The following DOK6 variants were observed in gnomAD, a reference collection of about 807,000 sequenced individuals.
DOK6 encodes the protein docking protein 6, also known as downstream of tyrosine kinase 6.
In DOK6, 22 loss-of-function variants were observed where a neutral mutation model predicts 44.0. The ratio of observed to expected loss-of-function variants is 0.50; its 90% CI spans 0.36 to 0.71. The LOEUF is 0.71. Ranked by LOEUF, DOK6 falls within the 30% of genes least tolerant of loss-of-function variation. The pLI is 0.00. For synonymous variants in DOK6, 166 were observed against 145.5 expected (o/e 1.14, Z -1.01); for missense variants, 340 against 416.4 (o/e 0.82, Z 1.60).
intron 1 of DOK6, among the ~76,000 whole-genome samples, chr18:69,556,612 T>C (rs183511757): frequency 1.4e-3 from 217 of 152,338 alleles, no homozygotes; most frequent in African/African-American, 4.7e-3. Flanking sequence ...GTTGTTATTA[T>C]TTTATTCGTT....
chr18:69,767,336 GA>G (rs1034997629), intron 7 of DOK6, among the ~76,000 whole-genome samples: 3 of 151,866 alleles, frequency 2.0e-5, no homozygotes, highest in Admixed American at 2.0e-4. Context: ...TTAATACAAG[GA>G]AAAAAAATTC....
intron 1 of DOK6, among the ~76,000 whole-genome samples, chr18:69,561,345 T>G (rs1204261623): frequency 1.3e-5 from 2 of 152,222 alleles, no homozygotes; most frequent in African/African-American, 4.8e-5. Context: ...TTCCAAAATC[T>G]GTTACCACTT....
chr18:69,635,908 G>T (rs78431239), intron 3 of DOK6, among the ~76,000 whole-genome samples: 1,957 of 152,276 alleles, frequency 0.013, 30 homozygotes, highest in African/African-American at 0.045. Context: ...AAGGTTGCCC[G>T]TTTTCAGTGG....
chr18:69,552,998 T>G (rs1982602322), intron 1 of DOK6, among the ~76,000 whole-genome samples: 1 of 152,262 alleles, frequency 6.6e-6, no homozygotes, highest in Non-Finnish European at 1.5e-5. Context: ...AAAATATTCT[T>G]TAATTGGCTT....
At chr18:69,700,828 G>A (rs1008761352) in intron 5 of DOK6, among the ~76,000 whole-genome samples, 3 of 152,094 alleles carry the variant, frequency 2.0e-5, no homozygotes, top group Non-Finnish European at 4.4e-5. Flanking sequence ...GATGAGACTG[G>A]GGACAATTTA....
rs536081664 is a variant in DOK6 at position 69,666,009 on chromosome 18, A to C, written c.290-11725A>C. ...TTTCAACCATTCACAGGCTTTAAGA[A>C]AGGGCATGTAGCTCAAAGGCTTATC... is the stretch of plus-strand genomic sequence containing the variant. On this transcript the variant is annotated intron_variant, in intron 3 of 7. Transcript: ENST00000382713. Among the ~76,000 whole-genome samples the C allele has an allele frequency of 9.8e-5, 15 of 152,304 alleles. No homozygotes were observed. The South Asian group carries it at 2.5e-3, about 25-fold the overall frequency.
intron 2 of DOK6, among the ~76,000 whole-genome samples, chr18:69,569,039 T>C (rs999163498): frequency 4.0e-5 from 6 of 151,752 alleles, no homozygotes; most frequent in African/African-American, 1.5e-4. Context: ...CCCGAAACTG[T>C]CCCCCAGCCC....
At chr18:69,625,351 C>G (rs1984534125) in intron 3 of DOK6, among the ~76,000 whole-genome samples, 1 of 152,226 alleles carries the variant, frequency 6.6e-6, no homozygotes, top group East Asian at 1.9e-4. Context: ...CTATGGTTTG[C>G]TTAGGTTCTC....
intron 2 of DOK6, among the ~76,000 whole-genome samples, chr18:69,570,831 G>T (rs547804779): frequency 8.4e-4 from 128 of 152,088 alleles, no homozygotes; most frequent in Middle Eastern, 3.4e-3. Context: ...CCTTTAAAAT[G>T]AAGGTGAGAT....
chr18:69,496,988 G>T (rs1036246442), intron 1 of DOK6, among the ~76,000 whole-genome samples: 2 of 152,136 alleles, frequency 1.3e-5, no homozygotes, highest in Non-Finnish European at 2.9e-5. Context: ...GCATTAGAAT[G>T]TACTAGGCAT....
intron 3 of DOK6, among the ~76,000 whole-genome samples, chr18:69,664,457 C>T (rs1386730477): frequency 2.6e-5 from 4 of 152,112 alleles, no homozygotes; most frequent in Non-Finnish European, 5.9e-5. Flanking sequence ...TTTTATGCTC[C>T]TCAATAATTA....
intron 5 of DOK6, among the ~76,000 whole-genome samples, chr18:69,712,281 A>T (rs867191422): frequency 2.9e-4 from 6 of 20,990 alleles, no homozygotes; most frequent in African/African-American, 1.1e-3. Flanking sequence ...ACTCCGTCTC[A>T]AAAAAAAAAA....
intron 1 of DOK6, among the ~76,000 whole-genome samples, chr18:69,422,046 C>A (rs1286712020): frequency 6.6e-6 from 1 of 152,168 alleles, no homozygotes; most frequent in Non-Finnish European, 1.5e-5. Context: ...ATTTCTGAAC[C>A]TTCCATCATG....
chr18:69,642,951 C>T (rs1450117716), intron 3 of DOK6, among the ~76,000 whole-genome samples: 3 of 152,134 alleles, frequency 2.0e-5, no homozygotes, highest in Non-Finnish European at 4.4e-5. Flanking sequence ...CTGATGATTG[C>T]AAAATAGAGA....
chr18:69,417,999 G>A (rs1036917614), intron 1 of DOK6, among the ~76,000 whole-genome samples: 6 of 151,972 alleles, frequency 3.9e-5, no homozygotes, highest in African/African-American at 1.2e-4. Context: ...TTTTCCTATC[G>A]TGTAGGTTTT....
At chr18:69,751,139 A>G (rs1288311537) in intron 6 of DOK6, among the ~76,000 whole-genome samples, 1 of 152,200 alleles carries the variant, frequency 6.6e-6, no homozygotes, top group East Asian at 1.9e-4. Context: ...TCAAAGGGTA[A>G]AAGTCTCAGG....
chr18:69,547,924 A>AATATATAATAT (rs1254862286), intron 1 of DOK6, among the ~76,000 whole-genome samples: 13 of 144,450 alleles, frequency 9.0e-5, no homozygotes, highest in African/African-American at 3.2e-4. Flanking sequence ...ATCTATATAT[A>AATATATAATAT]ATATATAATA....
intron 5 of DOK6, among the ~76,000 whole-genome samples, chr18:69,718,664 T>C (rs946394291): frequency 2.6e-5 from 4 of 152,208 alleles, no homozygotes; most frequent in African/African-American, 9.7e-5. Flanking sequence ...GCTTTACCTC[T>C]CATGAATAGA....
chr18:69,842,458 A>G lies in DOK6; in HGVS notation c.*1075A>G, dbSNP rs1309368478. The G allele has an allele frequency of 6.6e-6, 1 of 152,218 alleles. No individual in the cohort carries two copies. Among genetic ancestry groups the G allele is most frequent in the Non-Finnish European group, 1.5e-5 (1 of 68,040 alleles). The allele number at this position is 152,218 out of a possible 1,614,324, so 9.4% of individuals were successfully genotyped here. On this transcript the variant is annotated 3_prime_UTR_variant, in exon 8 of 8. Transcript: ENST00000382713. ...TAAGAAAGAAAGAATACACCCATAA[A>G]GAACTCAGCTATTTTGCAGTAAAGA...
Sources: gnomAD v4.1 joint callset for allele counts (sites outside exome capture counted in the v4.1 genomes callset) on GRCh38, gnomAD v4.1.1 for gene constraint, MANE v1.5 for transcripts, NCBI Gene and HGNC (gene_info 2026-07-23, HGNC 2026-07-21) for gene names.